Variants in ANGEL2 observed in about 807,000 individuals in gnomAD.
The protein encoded by ANGEL2 is RNA 2',3'-cyclic phosphatase ANGEL2.
In ANGEL2, 41 loss-of-function variants were observed where a neutral mutation model predicts 66.0. The ratio of observed to expected loss-of-function variants is 0.62; its 90% CI spans 0.48 to 0.81. ANGEL2 has a LOEUF of 0.81. Ranked by LOEUF, ANGEL2 falls within the 30% of genes least tolerant of loss-of-function variation. The pLI, the probability that ANGEL2 is intolerant of heterozygous loss-of-function variation, is 0.00. For missense variants in ANGEL2, 561 were observed against 641.6 expected, an observed-to-expected ratio of 0.87 and a Z score of 1.36; for synonymous variants, 208 against 226.5, an observed-to-expected ratio of 0.92 and a Z score of 0.73.
chr1:213,013,149 CTA>C lies in ANGEL2; in HGVS notation c.327_328del (p.Ser110LeufsTer6), dbSNP rs766674804. 1 of 1,614,142 alleles carries C rather than the reference CTA, an allele frequency of 6.2e-7. No individual in the cohort carries two copies. The highest frequency in any genetic ancestry group is 2.2e-5 in the East Asian group (1 of 44,880). On this transcript the variant is annotated frameshift_variant, in exon 2 of 9. Transcript: ENST00000366962. LOFTEE classifies it high-confidence loss of function. ...ATCTCCCTCAGCGTTCATGACGTAA[CTA>C]GAGAGATGAATCAAAGATGTCTGGC...
In ANGEL2 at chr1:213,013,167, G is replaced by A. The variant is rs371673084; in HGVS notation, c.311C>T (p.Ser104Phe). The A allele has an allele frequency of 3.3e-5, 53 of 1,614,038 alleles. No homozygotes were observed. Among genetic ancestry groups the A allele is most frequent in the Non-Finnish European group, 4.4e-5 (52 of 1,180,018 alleles). The part of the protein sequence containing the change: ...NWRPDNLSQT[S>F]LIHLSSYVMN... ...GACGTAACTAGAGAGATGAATCAAA[G>A]ATGTCTGGCTCAGGTTGTCAGGTCT... The change falls in exon 2 of 9, where the codon TCT becomes TTT. Residue 104 changes from serine to phenylalanine, a missense_variant. Transcript: ENST00000366962.
chr1:213,004,112 G>C (rs755366229), intron 5 of ANGEL2, among the ~76,000 whole-genome samples: 20 of 152,072 alleles, frequency 1.3e-4, no homozygotes, highest in Middle Eastern at 3.4e-3. Flanking sequence ...GGCTGAGGCA[G>C]AATTGCTTGA....
chr1:213,007,099 G>GAAA (rs202124670), intron 4 of ANGEL2, 30 bp downstream of exon 4: 3,922 of 1,379,070 alleles, frequency 2.8e-3, no homozygotes, highest in South Asian at 4.3e-3. Context: ...TCTCAAAAAA[G>GAAA]AAAAAAAAAA....
At chr1:213,011,480 A>T (rs1433731684) in intron 2 of ANGEL2, 4 of 1,098,010 alleles carry the variant, frequency 3.6e-6, no homozygotes, top group East Asian at 1.5e-4. Flanking sequence ...GGACATATAG[A>T]AAGTCAGGTT....
chr1:213,015,765 T>A lies in ANGEL2; in HGVS notation c.-94A>T. Reference sequence around the variant, plus strand: ...GGCCTAAAGTATCTAGGGAACCCCATCACTCTTAAGTACCGACTCCAGTCC... The same window carrying A: ...GGCCTAAAGTATCTAGGGAACCCCAACACTCTTAAGTACCGACTCCAGTCC... On this transcript the variant is annotated 5_prime_UTR_variant, in exon 1 of 9. The change abolishes an upstream ATG in the 5' untranslated region. Transcript: ENST00000366962. 6.4e-7 allele frequency: 1 copy of A among 1,566,328 alleles called. No individual in the cohort carries two copies. Among genetic ancestry groups the A allele is most frequent in the Non-Finnish European group, 8.8e-7 (1 of 1,141,518 alleles).
At chr1:213,010,775 AGGTCT>A (rs1374429294) in intron 2 of ANGEL2, among the ~76,000 whole-genome samples, 4 of 152,198 alleles carry the variant, frequency 2.6e-5, no homozygotes, top group African/African-American at 9.7e-5. Flanking sequence ...ATGAAAATTA[AGGTCT>A]AAAAACCTTA....
intron 7 of ANGEL2, among the ~76,000 whole-genome samples, chr1:212,999,080 G>A (rs1042169494): frequency 7.9e-5 from 12 of 151,520 alleles, no homozygotes; most frequent in African/African-American, 2.9e-4. Context: ...CACCATCTTG[G>A]CCAGACTGCT....
At chr1:213,015,284 T>C (rs1464027134) in intron 1 of ANGEL2, 13 of 1,212,782 alleles carry the variant, frequency 1.1e-5, no homozygotes, top group Non-Finnish European at 1.1e-5. Flanking sequence ...GCGGAGTGTG[T>C]GGAGCAGGCC....
intron 2 of ANGEL2, among the ~76,000 whole-genome samples, chr1:213,009,878 C>T (rs57352598): frequency 0.036 from 5,456 of 152,056 alleles, 140 homozygotes; most frequent in Middle Eastern, 0.054. Context: ...TGGCGAAACC[C>T]TGTCTCTACT....
rs890984971 is a variant in ANGEL2 at position 213,015,829 on chromosome 1, C to T, written c.-158G>A. 7.9e-6 allele frequency: 7 copies of T among 884,410 alleles called. No homozygotes were observed. Among genetic ancestry groups the T allele is most frequent in the East Asian group, 5.3e-5 (2 of 37,802 alleles). 54.8% of individuals were successfully genotyped at this position (884,410 alleles called of 1,614,324 possible). The stretch of plus-strand genomic sequence containing the variant: ...TGCTGGGAGGTGCAGTCTCGCCGGC[C>T]GGCCTACACTCCATCTTGCGCAGTC... On this transcript the variant is annotated 5_prime_UTR_variant, in exon 1 of 9. Transcript: ENST00000366962.
At chr1:212,995,604 T>C (rs1262924649) in intron 8 of ANGEL2, among the ~76,000 whole-genome samples, 1 of 152,244 alleles carries the variant, frequency 6.6e-6, no homozygotes, top group Non-Finnish European at 1.5e-5. Flanking sequence ...TAGTCCCAGA[T>C]AGTCAGCACC....
intron 1 of ANGEL2, among the ~76,000 whole-genome samples, chr1:213,014,462 G>T (rs911226543): frequency 5.3e-5 from 8 of 152,140 alleles, no homozygotes; most frequent in African/African-American, 1.9e-4. Context: ...CTACTTAATT[G>T]TAAATCTTTA....
At chr1:213,010,305 C>G (rs2076470151) in intron 2 of ANGEL2, among the ~76,000 whole-genome samples, 1 of 152,084 alleles carries the variant, frequency 6.6e-6, no homozygotes, top group Admixed American at 6.6e-5. Flanking sequence ...GGCGTGGTGG[C>G]TCACACCTGT....
At chr1:213,011,143 G>A in intron 2 of ANGEL2, 1 of 1,254,090 alleles carries the variant, frequency 8.0e-7, no homozygotes, top group Non-Finnish European at 1.0e-6. Context: ...CCACTGATAA[G>A]AGTGGATAGT....
chr1:213,008,276 C>A lies in ANGEL2; in HGVS notation c.576G>T (p.Arg192=). The A allele has an allele frequency of 6.2e-7, 1 of 1,614,018 alleles. No individual in the cohort carries two copies. The change falls in exon 3 of 9, where the codon CGG becomes CGT. Residue 192 remains arginine (R), a synonymous_variant. Coordinates refer to ENST00000366962, the MANE Select transcript of ANGEL2 (RefSeq NM_144567.5). ...ACCTAAAACTCCAGTGTAATACTGG[C>A]CGCCGGCAATGTCTATAAAGGTGAG... ...DNSHLYRHCR[R]PVLHWSFRFP... is the part of the protein sequence containing the mutation.
At chr1:212,996,059 G>C (rs1257394855) in intron 8 of ANGEL2, among the ~76,000 whole-genome samples, 1 of 152,196 alleles carries the variant, frequency 6.6e-6, no homozygotes, top group Non-Finnish European at 1.5e-5. Flanking sequence ...TGTAATCCCA[G>C]CACTTTGGGA....
At chr1:213,007,307 A>T in intron 3 of ANGEL2, 109 bp from the exon 4 acceptor site, 1 of 802,420 alleles carries the variant, frequency 1.2e-6, no homozygotes, top group Non-Finnish European at 1.9e-6. Context: ...TCCACACCTG[A>T]TAAGAATTGA....
intron 4 of ANGEL2, among the ~76,000 whole-genome samples, chr1:213,005,851 G>C (rs141112788): frequency 3.9e-5 from 6 of 152,152 alleles, no homozygotes; most frequent in South Asian, 2.1e-4. Flanking sequence ...TCCAACCTCA[G>C]GGCCTTTCCC....
chr1:212,999,458 C>A (rs2076118627), intron 7 of ANGEL2, among the ~76,000 whole-genome samples: 1 of 152,048 alleles, frequency 6.6e-6, no homozygotes, highest in South Asian at 2.1e-4. Flanking sequence ...TTAAAATATT[C>A]ATTTAAAAAA....
Sources: gnomAD v4.1 joint callset for allele counts (sites outside exome capture counted in the v4.1 genomes callset) on GRCh38, gnomAD v4.1.1 for gene constraint, MANE v1.5 for transcripts, NCBI Gene and HGNC (gene_info 2026-07-23, HGNC 2026-07-21) for gene names.